Variants in PSD3 observed in about 807,000 individuals in gnomAD.
PSD3 encodes pleckstrin and Sec7 domain containing 3.
Under a neutral mutation model 105.5 loss-of-function variants are expected in PSD3, and 49 were observed. That is an observed-to-expected ratio of 0.46 (90% confidence interval 0.37 to 0.59). The LOEUF (loss-of-function observed/expected upper bound fraction) is 0.59, where lower values mean the gene tolerates loss of function less well. Among genes scored for constraint, PSD3 ranks in the 20% least tolerant of loss-of-function variants. PSD3 has a pLI of 0.00. For synonymous variants in PSD3, 557 were observed against 457.8 expected (o/e 1.22, Z -2.77); for missense variants, 1,561 against 1,263.8 (o/e 1.24, Z -3.57).
At chr8:18,898,923 T>C (rs1819322226) in intron 2 of PSD3, among the ~76,000 whole-genome samples, 1 of 152,126 alleles carries the variant, frequency 6.6e-6, no homozygotes. Context: ...TGTACAGACA[T>C]AATCATAGTT....
chr8:18,602,581 G>C (rs764747191), intron 11 of PSD3, among the ~76,000 whole-genome samples: 3 of 152,086 alleles, frequency 2.0e-5, no homozygotes, highest in African/African-American at 4.8e-5. Flanking sequence ...TGCTATAAAA[G>C]CACTGCTCTA....
rs1799642583 is a variant in PSD3, at chr8:18,531,773, A to G, written c.*3970T>C. 6.6e-6 allele frequency: 1 copy of G among 152,364 alleles called. No homozygotes were observed. The highest frequency in any genetic ancestry group is 2.4e-5 in the African/African-American group (1 of 41,590). 9.4% of individuals were successfully genotyped at this position (152,364 alleles called of 1,614,324 possible). The stretch of plus-strand genomic sequence containing the variant: ...CTAGACTTCAGGTTTAACAACTCTT[A>G]GGATGCCACTTTGGTTCTTTGTTTT... On this transcript the variant is annotated 3_prime_UTR_variant, in exon 16 of 16. Transcript: ENST00000327040.
intron 10 of PSD3, among the ~76,000 whole-genome samples, chr8:18,641,089 A>T (rs879642051): frequency 6.6e-6 from 1 of 152,182 alleles, no homozygotes; most frequent in Admixed American, 6.5e-5. Context: ...CATTTCACTC[A>T]GCTCTCTGCT....
rs1220508948 is a variant in PSD3, at chr8:18,527,491, A to G, written c.*8252T>C. The stretch of plus-strand genomic sequence containing the variant: ...TAAAAACACAGGAACAATTATATTC[A>G]TAAACATTTACACAATAAATGTACT... On this transcript the variant is annotated 3_prime_UTR_variant, in exon 16 of 16. Transcript: ENST00000327040. The G allele has an allele frequency of 6.6e-6, 1 of 152,656 alleles. No individual in the cohort carries two copies. Among genetic ancestry groups the G allele is most frequent in the Non-Finnish European group, 1.5e-5 (1 of 68,042 alleles). 9.5% of individuals were successfully genotyped at this position (152,656 alleles called of 1,614,324 possible). A position where few individuals can be genotyped will look rare whatever the true frequency, so the allele number is the denominator to read the frequency against.
At chr8:18,902,179 C>T (rs1586372265) in intron 2 of PSD3, among the ~76,000 whole-genome samples, 1 of 152,066 alleles carries the variant, frequency 6.6e-6, no homozygotes, top group East Asian at 1.9e-4. Flanking sequence ...TCTGCAAATC[C>T]CATAACACAA....
At chr8:18,786,718 G>A (rs918037101) in intron 8 of PSD3, 5 of 152,196 alleles carry the variant, frequency 3.3e-5, no homozygotes, top group Non-Finnish European at 4.4e-5. Context: ...TACTGGTTCA[G>A]AGAATAAAGA....
intron 2 of PSD3, among the ~76,000 whole-genome samples, chr8:18,881,614 C>T (rs1358232176): frequency 6.6e-6 from 1 of 152,136 alleles, no homozygotes; most frequent in African/African-American, 2.4e-5. Flanking sequence ...ACATACGTTT[C>T]CCCAGACTAT....
intron 11 of PSD3, among the ~76,000 whole-genome samples, chr8:18,630,181 C>G (rs1014031130): frequency 1.3e-5 from 2 of 151,522 alleles, no homozygotes; most frequent in African/African-American, 4.9e-5. Flanking sequence ...GACGAACTTC[C>G]TAACTTGCTA....
In PSD3 at chr8:18,801,262, C is replaced by G; in HGVS notation, c.2023+8G>C. The G allele has an allele frequency of 1.4e-6, 2 of 1,474,896 alleles. No homozygotes were observed. Among genetic ancestry groups the G allele is most frequent in the South Asian group, 2.4e-5 (2 of 82,706 alleles). The allele number at this position is 1,474,896 out of a possible 1,614,324, so 91.4% of individuals were successfully genotyped here. A position where few individuals can be genotyped will look rare whatever the true frequency, so the allele number is the denominator to read the frequency against. ...AAAAAAGAAATTCAAGGATTTGTAT[C>G]AGATTACCTTGTGAAGCAATGGTAT... On this transcript the variant is annotated splice_region_variant and intron_variant, in intron 7 of 15. Transcript: ENST00000327040.
At chr8:19,037,676 C>G (rs566921750) in intron 1 of PSD3, among the ~76,000 whole-genome samples, 1 of 152,156 alleles carries the variant, frequency 6.6e-6, no homozygotes, top group Non-Finnish European at 1.5e-5. Flanking sequence ...TTTAGGCTGG[C>G]ACATCCTCTT....
chr8:19,038,820 T>C lies in PSD3; in HGVS notation c.324+45386A>G, dbSNP rs563289744. On this transcript the variant is annotated intron_variant, in intron 1 of 1. Coordinates refer to the PSD3 transcript ENST00000521475. ...TGAGTAGTTATTATGTGTTAGACAC[T>C]GGGCTAAGCAATTAAAATAGGTTAT... Among the ~76,000 whole-genome samples, 90 of 152,350 alleles carry C rather than the reference T, an allele frequency of 5.9e-4. 1 individual carries two copies. Among genetic ancestry groups the C allele is most frequent in the African/African-American group, 2.1e-3 (86 of 41,592 alleles).
At chr8:18,956,548 G>A (rs192652375) in intron 1 of PSD3, among the ~76,000 whole-genome samples, 50 of 152,266 alleles carry the variant, frequency 3.3e-4, no homozygotes, top group Non-Finnish European at 5.9e-4. Flanking sequence ...TGTGATGAAG[G>A]TTTCTGAGCA....
rs1465645641 is a variant in PSD3 at position 18,820,881 on chromosome 8, C to G, written c.1635-15983G>C. On this transcript the variant is annotated intron_variant, in intron 4 of 15. Transcript: ENST00000327040. ...CAATCCTCCCTCTTCAGCCTCCTAA[C>G]TGGGACCACAGGCGTGAGTCACAAT... 4.8e-5 allele frequency among the ~76,000 whole-genome samples: 6 copies of G among 126,108 alleles called. No homozygotes were observed. The East Asian group carries it at 1.4e-3, about 30-fold the overall frequency. The allele number at this position is 126,108 out of a possible 152,430, so 82.7% of individuals were successfully genotyped here.
At chr8:18,964,549 C>G (rs974762004) in intron 1 of PSD3, among the ~76,000 whole-genome samples, 13 of 151,788 alleles carry the variant, frequency 8.6e-5, no homozygotes, top group Non-Finnish European at 1.5e-5. Context: ...TGCCTCAGAA[C>G]CAATTCACAA....
chr8:18,593,867 C>G (rs1442311966), intron 12 of PSD3, among the ~76,000 whole-genome samples: 1 of 148,462 alleles, frequency 6.7e-6, no homozygotes, highest in Admixed American at 7.0e-5. Flanking sequence ...AGCAAACTAT[C>G]ACAAGGACAA....
intron 4 of PSD3, among the ~76,000 whole-genome samples, chr8:18,831,840 G>C (rs1375766401): frequency 2.0e-5 from 3 of 152,094 alleles, no homozygotes; most frequent in East Asian, 3.8e-4. Flanking sequence ...ATTTGGTCTT[G>C]CTATTCATAT....
rs149349402 is a variant in PSD3 at position 18,923,897 on chromosome 8, T to C, written c.130+12137A>G. 7.2e-3 allele frequency among the ~76,000 whole-genome samples: 1,101 copies of C among 151,914 alleles called. 14 individuals carry two copies. The highest frequency in any genetic ancestry group is 0.025 in the African/African-American group (1,039 of 41,456). On this transcript the variant is annotated intron_variant, in intron 2 of 15. Coordinates refer to ENST00000327040, the MANE Select transcript of PSD3 (RefSeq NM_015310.4). ...AACAGCTACTTTAAATATATATATA[T>C]ACATATATGTGTGTGTTTTATATAT...
chr8:18,821,538 G>C (rs942430894), intron 4 of PSD3, among the ~76,000 whole-genome samples: 102 of 152,148 alleles, frequency 6.7e-4, no homozygotes, highest in African/African-American at 2.3e-3. Context: ...ACAAGCTCTT[G>C]AGTTTTTCCT....
At chr8:18,936,802 T>A (rs73202167) in intron 1 of PSD3, among the ~76,000 whole-genome samples, 1 of 152,020 alleles carries the variant, frequency 6.6e-6, no homozygotes, top group South Asian at 2.1e-4. Context: ...AAACACATCA[T>A]TTTCCAACTG....
Sources: allele counts gnomAD v4.1 joint callset (sites outside exome capture counted in the v4.1 genomes callset), GRCh38; gene constraint gnomAD v4.1.1; transcripts MANE v1.5; gene names NCBI Gene and HGNC (gene_info 2026-07-23, HGNC 2026-07-21).